Variants in GMPPA observed in about 807,000 individuals in gnomAD.
GMPPA encodes GDP-mannose pyrophosphorylase A, also known as mannose-1-phosphate guanylyltransferase regulatory subunit alpha.
GMPPA carries 46 observed loss-of-function variants against 58.6 expected under a neutral mutation model. The observed-to-expected ratio is 0.78, with a 90% CI of 0.62 to 1.00. GMPPA has a LOEUF of 1.00. Among genes scored for constraint, GMPPA ranks in the 50% least tolerant of loss-of-function variants. The pLI is 0.00. For missense variants in GMPPA, 468 were observed against 556.4 expected, an observed-to-expected ratio of 0.84 and a Z score of 1.60; for synonymous variants, 211 against 214.9, an observed-to-expected ratio of 0.98 and a Z score of 0.16.
Position 219,505,990 on chromosome 2 carries a change from A to G in GMPPA, c.911A>G (p.Asn304Ser), listed in dbSNP as rs373791369. The change falls in exon 11 of 13, where the codon AAC becomes AGC. Residue 304 changes from asparagine to serine, a missense_variant. Asn to Ser is a conservative substitution (Grantham distance 46). Transcript: ENST00000313597. ...TGCTTCTCTCCACAGCTGGGCCCCAACGTCTCCATCGGGAAGGGGGTGACC... is the reference window on the plus strand; with the variant it reads ...TGCTTCTCTCCACAGCTGGGCCCCAGCGTCTCCATCGGGAAGGGGGTGACC... ...KVAPSAVLGP[N>S]VSIGKGVTVG... The G allele has an allele frequency of 2.5e-5, 40 of 1,582,018 alleles. No homozygotes were observed. Among genetic ancestry groups the G allele is most frequent in the African/African-American group, 8.1e-5 (6 of 74,244 alleles).
At chr2:219,499,505 A>G (rs1265414992) in intron 1 of GMPPA, among the ~76,000 whole-genome samples, 1 of 152,214 alleles carries the variant, frequency 6.6e-6, no homozygotes, top group Non-Finnish European at 1.5e-5. Context: ...GGGTCTGAGA[A>G]GGGAGTCTCT....
At chr2:219,505,782 C>T (rs1326059435) in intron 10 of GMPPA, 21 bp downstream of exon 10, 3 of 1,581,188 alleles carry the variant, frequency 1.9e-6, no homozygotes, top group Non-Finnish European at 2.6e-6. Flanking sequence ...GTCCCAGCCC[C>T]AGGGAGGGAA....
chr2:219,500,275 C>A, intron 3 of GMPPA, 57 bp downstream of exon 3: 2 of 953,046 alleles, frequency 2.1e-6, no homozygotes, highest in East Asian at 2.6e-5. Context: ...CATGCTGTTT[C>A]CCCCTTTCCC....
intron 6 of GMPPA, among the ~76,000 whole-genome samples, chr2:219,503,869 T>C (rs1432183336): frequency 6.6e-6 from 1 of 152,206 alleles, no homozygotes; most frequent in African/African-American, 2.4e-5. Context: ...GGGAAAGCCA[T>C]GGACTTTGGA....
At position 219,506,022 on chromosome 2, in the gene GMPPA, G is replaced by T; in HGVS notation, c.943G>T (p.Glu315Ter). Residue 315 changes from glutamate (E) to a stop codon, truncating the protein, a stop_gained, in exon 11 of 13, where the codon GAG (glutamate) becomes TAG (stop). Transcript: ENST00000313597. LOFTEE classifies it high-confidence loss of function. ...VSIGKGVTVG[E>*]GVRLRESIVL... ...CATCGGGAAGGGGGTGACCGTGGGT[G>T]AGGGTGTGCGGCTCCGGGAGAGCAT... 1 of 1,596,358 alleles carries T rather than the reference G, an allele frequency of 6.3e-7. No individual in the cohort carries two copies. The highest frequency in any genetic ancestry group is 1.7e-5 in the Admixed American group (1 of 57,936).
intron 6 of GMPPA, among the ~76,000 whole-genome samples, chr2:219,503,725 G>C (rs373451248): frequency 5.3e-5 from 8 of 152,226 alleles, no homozygotes; most frequent in African/African-American, 1.9e-4. Flanking sequence ...AGGACGCACA[G>C]AGAGAGTGAC....
chr2:219,505,803 C>A, intron 10 of GMPPA, 42 bp downstream of exon 10: 1 of 1,499,070 alleles, frequency 6.7e-7, no homozygotes, highest in Non-Finnish European at 9.2e-7. Context: ...GGGTGGTGGT[C>A]GGATGGATGG....
intron 7 of GMPPA, chr2:219,505,007 C>T: frequency 1.2e-6 from 1 of 857,916 alleles, no homozygotes; most frequent in Non-Finnish European, 1.7e-6. Context: ...CAGGCCTCTG[C>T]CTGGGGCTCC....
At position 219,501,464 on chromosome 2, in the gene GMPPA, C is replaced by A. The variant is rs1464152950; in HGVS notation, c.139-12C>A. The stretch of plus-strand genomic sequence containing the variant: ...AGATATTCTTCATCCCAGCCTCTTC[C>A]CTTGTCCTCAGGTCCCTGGAATGCA... On this transcript the variant is annotated splice_polypyrimidine_tract_variant and intron_variant, in intron 3 of 12. Coordinates refer to ENST00000313597, the MANE Select transcript of GMPPA (RefSeq NM_013335.4). 3 of 1,464,562 alleles carry A rather than the reference C, an allele frequency of 2.0e-6. No homozygotes were observed. The highest frequency in any genetic ancestry group is 2.9e-6 in the Non-Finnish European group (3 of 1,043,566). 90.7% of individuals were successfully genotyped at this position (1,464,562 alleles called of 1,614,324 possible).
chr2:219,499,884 T>TA, intron 1 of GMPPA, 72 bp from the exon 2 acceptor site: 1 of 1,097,984 alleles, frequency 9.1e-7, no homozygotes, highest in South Asian at 1.2e-5. Flanking sequence ...GAGGGCTAAG[T>TA]GTTGCTATTT....
At chr2:219,504,262 A>G in intron 7 of GMPPA, 49 bp downstream of exon 7, 1 of 1,573,470 alleles carries the variant, frequency 6.4e-7, no homozygotes, top group South Asian at 1.1e-5. Context: ...CCAGTCACGG[A>G]CCCCAACACA....
chr2:219,501,140 G>A, intron 3 of GMPPA: 1 of 241,236 alleles, frequency 4.1e-6, no homozygotes, highest in African/African-American at 2.3e-5. Context: ...TGACATGGCT[G>A]TAGTCTTCAA....
chr2:219,504,748 C>G, intron 7 of GMPPA: 13 of 485,128 alleles, frequency 2.7e-5, no homozygotes, highest in East Asian at 1.2e-4. Flanking sequence ...CGTGTCTCTG[C>G]TTCCCTCTCC....
chr2:219,499,643 G>C, intron 1 of GMPPA: 1 of 379,288 alleles, frequency 2.6e-6, no homozygotes, highest in South Asian at 4.0e-5. Context: ...CTGGAATCTG[G>C]GTTGGGATTT....
Position 219,505,539 on chromosome 2 carries a change from G to C in GMPPA, c.837G>C (p.Gly279=). 6.4e-7 allele frequency: 1 copy of C among 1,567,674 alleles called. No individual in the cohort carries two copies. Among genetic ancestry groups the C allele is most frequent in the Non-Finnish European group, 8.6e-7 (1 of 1,156,228 alleles). ...HPERLAKHTP[G]GPWIRGNVYI... The stretch of plus-strand genomic sequence containing the variant: ...AACGGCTGGCCAAGCACACCCCAGG[G>C]GGCCCATGGATCCGAGGTACCCAGC... Residue 279 remains glycine (G), a synonymous_variant, in exon 9 of 13, where the codon GGG becomes GGC. Coordinates refer to ENST00000313597, the MANE Select transcript of GMPPA (RefSeq NM_013335.4).
chr2:219,506,010 G>T lies in GMPPA; in HGVS notation c.931G>T (p.Val311Leu). 6.3e-7 allele frequency: 1 copy of T among 1,593,808 alleles called. No homozygotes were observed. Among genetic ancestry groups the T allele is most frequent in the Non-Finnish European group, 8.6e-7 (1 of 1,168,156 alleles). ...CCCCAACGTCTCCATCGGGAAGGGGGTGACCGTGGGTGAGGGTGTGCGGCT... is the reference window on the plus strand; with the variant it reads ...CCCCAACGTCTCCATCGGGAAGGGGTTGACCGTGGGTGAGGGTGTGCGGCT... ...LGPNVSIGKG[V>L]TVGEGVRLRE... Residue 311 changes from valine to leucine, a missense_variant, in exon 11 of 13, where the codon GTG becomes TTG. By Grantham distance (32) the Val-to-Leu change is conservative. Coordinates refer to ENST00000313597, the MANE Select transcript of GMPPA (RefSeq NM_013335.4).
In GMPPA at chr2:219,505,722, G is replaced by T; in HGVS notation, c.861G>T (p.Val287=). 6.2e-7 allele frequency: 1 copy of T among 1,612,074 alleles called. No individual in the cohort carries two copies. Reference sequence around the variant, plus strand: ...CCTCTCTTCTGCTTCTAGGGAATGTGTACATCCACCCGACCGCCAAGGTGG... The same window carrying T: ...CCTCTCTTCTGCTTCTAGGGAATGTTTACATCCACCCGACCGCCAAGGTGG... ...TPGGPWIRGN[V]YIHPTAKVAP... Residue 287 remains valine (V), a synonymous_variant, in exon 10 of 13, where the codon GTG becomes GTT. Coordinates refer to ENST00000313597, the MANE Select transcript of GMPPA (RefSeq NM_013335.4).
chr2:219,504,913 A>C, intron 7 of GMPPA: 1 of 1,135,974 alleles, frequency 8.8e-7, no homozygotes, highest in Non-Finnish European at 1.1e-6. Context: ...GGGGAGGGTA[A>C]CTTGGAGGGG....
At chr2:219,501,283 A>G (rs1694379966) in intron 3 of GMPPA, 193 bp from the exon 4 acceptor site, 2 of 587,618 alleles carry the variant, frequency 3.4e-6, no homozygotes, top group East Asian at 2.8e-5. Context: ...AACAAAACGA[A>G]AAAAGATCAG....
Sources: gnomAD v4.1 joint callset for allele counts (sites outside exome capture counted in the v4.1 genomes callset) on GRCh38, gnomAD v4.1.1 for gene constraint, MANE v1.5 for transcripts, NCBI Gene and HGNC (gene_info 2026-07-23, HGNC 2026-07-21) for gene names.